The following PYGL variants were observed in gnomAD, a reference collection of about 807,000 sequenced individuals.
PYGL encodes the protein glycogen phosphorylase, liver form.
Under a neutral mutation model 100.1 loss-of-function variants are expected in PYGL, and 90 were observed. The ratio of observed to expected loss-of-function variants is 0.90; its 90% CI spans 0.76 to 1.07. The LOEUF (loss-of-function observed/expected upper bound fraction) is 1.07, where lower values mean the gene tolerates loss of function less well. Ranked by LOEUF, PYGL falls within the 50% of genes least tolerant of loss-of-function variation. PYGL has a pLI of 0.00. For missense variants in PYGL, 1,016 were observed against 1,057.6 expected, an observed-to-expected ratio of 0.96 and a Z score of 0.55; for synonymous variants, 373 against 393.0, an observed-to-expected ratio of 0.95 and a Z score of 0.60.
intron 17 of PYGL, among the ~76,000 whole-genome samples, chr14:50,909,489 C>T (rs1342897931): frequency 1.3e-5 from 2 of 152,140 alleles, no homozygotes; most frequent in Non-Finnish European, 2.9e-5. Flanking sequence ...TTCTGTACAC[C>T]CGTATCTATT....
At chr14:50,906,637 C>T (rs1440350023) in intron 19 of PYGL, among the ~76,000 whole-genome samples, 2 of 152,288 alleles carry the variant, frequency 1.3e-5, no homozygotes, top group East Asian at 3.9e-4. Context: ...TGTCCTTGCC[C>T]TTGTTCATAT....
chr14:50,920,815 C>A, intron 6 of PYGL, 141 bp downstream of exon 6: 1 of 1,000,914 alleles, frequency 1.0e-6, no homozygotes, highest in Non-Finnish European at 1.5e-6. Flanking sequence ...CTACTTCCTC[C>A]ATACAATGCC....
intron 7 of PYGL, among the ~76,000 whole-genome samples, chr14:50,919,337 A>G (rs781105600): frequency 5.3e-5 from 8 of 152,186 alleles, no homozygotes; most frequent in African/African-American, 1.9e-4. Context: ...TGAAGCCACA[A>G]TGTTTTCCAC....
Position 50,909,974 on chromosome 14 carries a change from T to C in PYGL, c.2098A>G (p.Met700Val), listed in dbSNP as rs1209273995. 1 of 1,614,128 alleles carries C rather than the reference T, an allele frequency of 6.2e-7. No individual in the cohort carries two copies. Among genetic ancestry groups the C allele is most frequent in the African/African-American group, 1.3e-5 (1 of 74,948 alleles). The change falls in exon 17 of 20, where the codon ATG becomes GTG. Residue 700 changes from methionine to valine, a missense_variant. Physicochemically the swap from Met to Val is conservative, Grantham distance 21. Coordinates refer to ENST00000216392, the MANE Select transcript of PYGL (RefSeq NM_002863.5). The part of the protein sequence containing the change: ...IGTMDGANVE[M>V]AEEAGEENLF... ...TTCTCTTCCCCAGCTTCTTCTGCCA[T>C]TTCCACATTGGCCCCATCCATGGTC...
intron 3 of PYGL, among the ~76,000 whole-genome samples, chr14:50,933,834 C>G (rs12881770): frequency 6.6e-6 from 1 of 152,096 alleles, no homozygotes; most frequent in African/African-American, 2.4e-5. Flanking sequence ...TTTACACACA[C>G]ACAGACACAT....
chr14:50,912,775 G>C (rs1241009491), intron 13 of PYGL, among the ~76,000 whole-genome samples: 1 of 152,066 alleles, frequency 6.6e-6, no homozygotes, highest in Non-Finnish European at 1.5e-5. Context: ...CCAACATAGT[G>C]TAACCCTGTC....
intron 11 of PYGL, 43 bp from the exon 12 acceptor site, chr14:50,914,858 C>T: frequency 1.4e-6 from 2 of 1,436,090 alleles, no homozygotes; most frequent in Non-Finnish European, 2.0e-6. Context: ...GCTGAAACGG[C>T]AAAGGGTCCT....
chr14:50,920,170 G>A (rs376014275), intron 7 of PYGL, among the ~76,000 whole-genome samples: 42 of 152,290 alleles, frequency 2.8e-4, no homozygotes, highest in African/African-American at 8.4e-4. Context: ...GAGAAGAGGC[G>A]AGGCAGAAAA....
chr14:50,913,140 C>A lies in PYGL; in HGVS notation c.1519-10G>T. 6.2e-7 allele frequency: 1 copy of A among 1,612,086 alleles called. No homozygotes were observed. Among genetic ancestry groups the A allele is most frequent in the Non-Finnish European group, 8.5e-7 (1 of 1,178,574 alleles). Reference sequence around the variant, plus strand: ...AGTCTTCTCCAATTTTCTTTCAATTCAAAGGAAAAGATGACTTCAATTTGG... The same window carrying A: ...AGTCTTCTCCAATTTTCTTTCAATTAAAAGGAAAAGATGACTTCAATTTGG... On this transcript the variant is annotated splice_polypyrimidine_tract_variant and intron_variant, in intron 12 of 19. Coordinates refer to ENST00000216392, the MANE Select transcript of PYGL (RefSeq NM_002863.5).
chr14:50,905,355 A>G lies in PYGL; in HGVS notation c.*37T>C. ...GAATGTTGTAAAAATGTTCAAGTTCAGTAAGAAGCTATGTTTTCTAGAGAC... is the reference window on the plus strand; with the variant it reads ...GAATGTTGTAAAAATGTTCAAGTTCGGTAAGAAGCTATGTTTTCTAGAGAC... On this transcript the variant is annotated 3_prime_UTR_variant, in exon 20 of 20. Transcript: ENST00000216392. 1.9e-6 allele frequency: 3 copies of G among 1,573,776 alleles called. No individual in the cohort carries two copies. Among genetic ancestry groups the G allele is most frequent in the Non-Finnish European group, 2.6e-6 (3 of 1,146,204 alleles).
At chr14:50,936,318 G>A (rs1424618249) in intron 2 of PYGL, among the ~76,000 whole-genome samples, 1 of 152,138 alleles carries the variant, frequency 6.6e-6, no homozygotes, top group Non-Finnish European at 1.5e-5. Context: ...CCGTTTCCAT[G>A]GCACCTGTTT....
At chr14:50,933,795 A>G (rs1293820007) in intron 3 of PYGL, among the ~76,000 whole-genome samples, 11 of 152,158 alleles carry the variant, frequency 7.2e-5, no homozygotes, top group Admixed American at 5.9e-4. Flanking sequence ...TGTCTGGAAT[A>G]TATATCTTCC....
intron 5 of PYGL, among the ~76,000 whole-genome samples, chr14:50,922,558 A>T (rs1040803707): frequency 6.6e-6 from 1 of 152,198 alleles, no homozygotes; most frequent in Non-Finnish European, 1.5e-5. Flanking sequence ...GCAGCCCAAG[A>T]AGTGCACAGC....
In PYGL at chr14:50,936,823, G is replaced by T. The variant is rs2050657683; in HGVS notation, c.345+913C>A. Among the ~76,000 whole-genome samples, 3 of 152,020 alleles carry T rather than the reference G, an allele frequency of 2.0e-5. No individual in the cohort carries two copies. In the South Asian group the frequency reaches 6.2e-4, roughly 32 times the overall value. ...AAAAAAAGTATGATATAAATTTTGA[G>T]CAAGTAGACATGGATCACATCACCC... On this transcript the variant is annotated intron_variant, in intron 2 of 19. Transcript: ENST00000216392.
At chr14:50,922,312 G>A (rs1423787448) in intron 5 of PYGL, among the ~76,000 whole-genome samples, 1 of 152,164 alleles carries the variant, frequency 6.6e-6, no homozygotes, top group African/African-American at 2.4e-5. Flanking sequence ...CTGCTGAATT[G>A]TGAATGAATG....
At chr14:50,940,110 T>C (rs1336920345) in intron 1 of PYGL, among the ~76,000 whole-genome samples, 1 of 152,218 alleles carries the variant, frequency 6.6e-6, no homozygotes, top group Non-Finnish European at 1.5e-5. Context: ...TAAAAGTACC[T>C]TCTCTGGGGC....
chr14:50,907,521 C>T (rs894283323), intron 19 of PYGL, among the ~76,000 whole-genome samples: 2 of 152,080 alleles, frequency 1.3e-5, no homozygotes, highest in African/African-American at 4.8e-5. Flanking sequence ...ATGTGTACCT[C>T]TGGTTAAGAA....
rs753019015 is a variant in PYGL at position 50,920,666 on chromosome 14, T to C, written c.773-43A>G. On this transcript the variant is annotated intron_variant, in intron 6 of 19. Coordinates refer to ENST00000216392, the MANE Select transcript of PYGL (RefSeq NM_002863.5). ...AAACAATAAATAGAGAAACCAGCCA[T>C]TGTTGTTGGAAACCTCTTGATCTCA... is the stretch of plus-strand genomic sequence containing the variant. 1.9e-6 allele frequency: 3 copies of C among 1,549,112 alleles called. No homozygotes were observed. The South Asian group carries it at 3.3e-5, about 17-fold the overall frequency.
intron 2 of PYGL, among the ~76,000 whole-genome samples, chr14:50,936,045 A>C (rs919115832): frequency 2.0e-5 from 3 of 152,220 alleles, no homozygotes; most frequent in African/African-American, 7.2e-5. Flanking sequence ...CTGGGCACCC[A>C]TGACAGAGCT....
Sources: gnomAD v4.1 joint callset for allele counts (sites outside exome capture counted in the v4.1 genomes callset) on GRCh38, gnomAD v4.1.1 for gene constraint, MANE v1.5 for transcripts, NCBI Gene and HGNC (gene_info 2026-07-23, HGNC 2026-07-21) for gene names.